The following FSTL5 variants were observed in gnomAD, a reference collection of about 807,000 sequenced individuals.
FSTL5 encodes the protein follistatin-related protein 5.
Under a neutral mutation model 89.1 loss-of-function variants are expected in FSTL5, and 62 were observed. That is an observed-to-expected ratio of 0.70 (90% CI 0.57 to 0.86). The LOEUF is 0.86. FSTL5 is among the 40% of genes least tolerant of loss of function. The pLI is 0.00. For synonymous variants in FSTL5, 383 were observed against 346.2 expected, an observed-to-expected ratio of 1.11 and a Z score of -1.18; for missense variants, 1,057 against 1,001.6, an observed-to-expected ratio of 1.06 and a Z score of -0.75.
At chr4:161,719,627 C>A (rs1739119793) in intron 6 of FSTL5, among the ~76,000 whole-genome samples, 1 of 152,006 alleles carries the variant, frequency 6.6e-6, no homozygotes, top group Non-Finnish European at 1.5e-5. Flanking sequence ...GATTCCTTTC[C>A]TTTTATGTGT....
intron 5 of FSTL5, 45 bp downstream of exon 5, chr4:161,775,833 C>T: frequency 1.1e-6 from 1 of 937,542 alleles, no homozygotes; most frequent in Non-Finnish European, 1.5e-6. Flanking sequence ...ATATATTGTG[C>T]ATGCTATATT....
At chr4:162,140,669 A>G (rs1694370661) in intron 1 of FSTL5, among the ~76,000 whole-genome samples, 1 of 152,200 alleles carries the variant, frequency 6.6e-6, no homozygotes, top group African/African-American at 2.4e-5. Flanking sequence ...TACATTAAGG[A>G]TAGAGATAAA....
At chr4:161,988,401 A>G (rs1299008394) in intron 3 of FSTL5, among the ~76,000 whole-genome samples, 2 of 152,300 alleles carry the variant, frequency 1.3e-5, no homozygotes, top group Admixed American at 6.5e-5. Flanking sequence ...GAATACGTGT[A>G]AAAGAATTAC....
intron 6 of FSTL5, among the ~76,000 whole-genome samples, chr4:161,666,427 TAACATG>T: frequency 6.6e-6 from 1 of 152,170 alleles, no homozygotes; most frequent in Non-Finnish European, 1.5e-5. Flanking sequence ...AATTCTTATA[TAACATG>T]AACAAGAGTG....
At chr4:161,696,493 T>C (rs948638542) in intron 6 of FSTL5, among the ~76,000 whole-genome samples, 2 of 152,040 alleles carry the variant, frequency 1.3e-5, no homozygotes, top group African/African-American at 4.8e-5. Flanking sequence ...TGAAGAATAA[T>C]GGGGTATTTT....
chr4:161,973,826 C>T (rs564129845), intron 3 of FSTL5, among the ~76,000 whole-genome samples: 17 of 152,198 alleles, frequency 1.1e-4, no homozygotes, highest in African/African-American at 4.1e-4. Context: ...AAAAGATTAT[C>T]TCCCGACGAC....
At position 161,757,366 on chromosome 4, in the gene FSTL5, G is replaced by GCACA. The variant is rs151056476; in HGVS notation, c.727+2041_727+2044dup. Reference sequence around the variant, plus strand: ...GATAGTATCATTCATACCGACATATGCACACACACACACACACACACATTA... The same window carrying GCACA: ...GATAGTATCATTCATACCGACATATGCACACACACACACACACACACACACATTA... On this transcript the variant is annotated intron_variant, in intron 6 of 15. Transcript: ENST00000306100. Among the ~76,000 whole-genome samples the GCACA allele has an allele frequency of 4.1e-3, 601 of 148,064 alleles. 5 individuals carry two copies. The highest frequency in any genetic ancestry group is 9.3e-3 in the African/African-American group (377 of 40,560).
intron 4 of FSTL5, among the ~76,000 whole-genome samples, chr4:161,906,699 A>G (rs960527699): frequency 2.0e-5 from 3 of 152,132 alleles, no homozygotes; most frequent in African/African-American, 7.2e-5. Context: ...AATATTTATG[A>G]TGACCTGCAG....
At chr4:161,473,863 C>T (rs1202121203) in intron 13 of FSTL5, among the ~76,000 whole-genome samples, 2 of 152,098 alleles carry the variant, frequency 1.3e-5, no homozygotes, top group East Asian at 1.9e-4. Context: ...CTAAAGTGAG[C>T]CTCTTGTAGA....
intron 11 of FSTL5, among the ~76,000 whole-genome samples, chr4:161,501,001 C>T (rs1222020042): frequency 6.6e-6 from 1 of 152,108 alleles, no homozygotes; most frequent in African/African-American, 2.4e-5. Flanking sequence ...CCTTCCTTTT[C>T]TGGTCCTTGC....
intron 4 of FSTL5, among the ~76,000 whole-genome samples, chr4:161,780,812 A>G (rs192656501): frequency 1.1e-3 from 168 of 152,290 alleles, no homozygotes; most frequent in African/African-American, 3.9e-3. Flanking sequence ...GATTATACCA[A>G]TTATGCTTAG....
At chr4:161,440,876 G>C (rs1335064147) in intron 15 of FSTL5, among the ~76,000 whole-genome samples, 3 of 152,032 alleles carry the variant, frequency 2.0e-5, no homozygotes, top group African/African-American at 7.2e-5. Context: ...AGAAATCATT[G>C]TGAAGTCCAT....
intron 4 of FSTL5, among the ~76,000 whole-genome samples, chr4:161,895,669 T>C (rs1180856798): frequency 5.8e-4 from 89 of 152,324 alleles, no homozygotes; most frequent in Non-Finnish European, 4.4e-5. Context: ...TCAATGATTA[T>C]AATTTATTTC....
chr4:161,647,898 C>T (rs1433243539), intron 7 of FSTL5, among the ~76,000 whole-genome samples: 1 of 152,094 alleles, frequency 6.6e-6, no homozygotes, highest in African/African-American at 2.4e-5. Flanking sequence ...AGCAGGCAGA[C>T]ACACAGGCAG....
intron 3 of FSTL5, among the ~76,000 whole-genome samples, chr4:161,977,612 C>CAAAAAAAAAAAAAAAA (rs796909244): frequency 1.1e-5 from 1 of 95,140 alleles, no homozygotes; most frequent in African/African-American, 3.9e-5. Flanking sequence ...GACTCCGTGT[C>CAAAAAAAAAAAAAAAA]AAAAAAAAAA....
chr4:161,505,107 T>C (rs1730431761), intron 11 of FSTL5, among the ~76,000 whole-genome samples: 1 of 152,122 alleles, frequency 6.6e-6, no homozygotes, highest in South Asian at 2.1e-4. Context: ...ATTATCCTTT[T>C]TACTTTCAAG....
chr4:161,721,130 T>C (rs1053371614), intron 6 of FSTL5, among the ~76,000 whole-genome samples: 2 of 151,174 alleles, frequency 1.3e-5, no homozygotes, highest in African/African-American at 4.9e-5. Flanking sequence ...TACAAAAAAT[T>C]AGCCGGGCGC....
At chr4:161,402,657 A>G (rs1731221311) in intron 15 of FSTL5, among the ~76,000 whole-genome samples, 1 of 152,130 alleles carries the variant, frequency 6.6e-6, no homozygotes, top group South Asian at 2.1e-4. Flanking sequence ...CTGATCTGCT[A>G]TCACTTTTAT....
At chr4:161,785,847 T>A (rs1264808992) in intron 4 of FSTL5, among the ~76,000 whole-genome samples, 1 of 152,112 alleles carries the variant, frequency 6.6e-6, no homozygotes, top group Non-Finnish European at 1.5e-5. Flanking sequence ...AATTATATAT[T>A]TTTTTCTTGT....
Sources: gnomAD v4.1 joint callset for allele counts (sites outside exome capture counted in the v4.1 genomes callset) on GRCh38, gnomAD v4.1.1 for gene constraint, MANE v1.5 for transcripts, NCBI Gene and HGNC (gene_info 2026-07-23, HGNC 2026-07-21) for gene names.